The following UBE2G1 variants were observed in gnomAD, a reference collection of about 807,000 sequenced individuals.
The protein encoded by UBE2G1 is ubiquitin conjugating enzyme E2 G1.
In UBE2G1, 5 loss-of-function variants were observed where a neutral mutation model predicts 22.7. That is an observed-to-expected ratio of 0.22 (90% CI 0.12 to 0.46). The LOEUF (loss-of-function observed/expected upper bound fraction) is 0.46, where lower values mean the gene tolerates loss of function less well. Ranked by LOEUF, UBE2G1 falls within the 20% of genes least tolerant of loss-of-function variation. The pLI is 0.99. For missense variants in UBE2G1, 88 were observed against 203.9 expected, an observed-to-expected ratio of 0.43 and a Z score of 3.46; for synonymous variants, 74 against 67.5, an observed-to-expected ratio of 1.10 and a Z score of -0.47.
At chr17:4,353,921 G>C (rs1157589009) in intron 1 of UBE2G1, among the ~76,000 whole-genome samples, 3 of 149,750 alleles carry the variant, frequency 2.0e-5, no homozygotes, top group African/African-American at 7.4e-5. Context: ...GGGTTCAAGA[G>C]ATTCTCCTGC....
In UBE2G1 at chr17:4,269,493, G is replaced by A. The variant is rs780765417; in HGVS notation, c.*3061C>T. On this transcript the variant is annotated 3_prime_UTR_variant, in exon 6 of 6. Transcript: ENST00000396981. ...GAGACCAGACGGGCAAAGATACACA[G>A]GCACCACAGCCCAAAGCGGGCAGAT... is the stretch of plus-strand genomic sequence containing the variant. 5 of 185,484 alleles carry A rather than the reference G, an allele frequency of 2.7e-5. No homozygotes were observed. The highest frequency in any genetic ancestry group is 5.7e-5 in the Non-Finnish European group (5 of 88,320). The allele number at this position is 185,484 out of a possible 1,614,324, so 11.5% of individuals were successfully genotyped here.
chr17:4,301,415 A>G, intron 2 of UBE2G1: 1 of 648,880 alleles, frequency 1.5e-6, no homozygotes, highest in Non-Finnish European at 2.9e-6. Flanking sequence ...CCTGGCTATG[A>G]CTTTTGATGC....
At chr17:4,366,197 G>A (rs1970033043) in intron 1 of UBE2G1, 74 bp downstream of exon 1, 5 of 1,444,530 alleles carry the variant, frequency 3.5e-6, no homozygotes, top group South Asian at 1.3e-5. Flanking sequence ...GCTGGCCCGG[G>A]AGGAGAAGAG....
At chr17:4,276,924 C>T (rs1011530767) in intron 5 of UBE2G1, among the ~76,000 whole-genome samples, 3 of 152,186 alleles carry the variant, frequency 2.0e-5, no homozygotes, top group East Asian at 1.9e-4. Flanking sequence ...GTTGACCAAG[C>T]CTTTGTACCA....
rs1389638874 is a variant in UBE2G1 at position 4,270,542 on chromosome 17, A to G, written c.*2012T>C. Reference sequence around the variant, plus strand: ...TCCAGCCTGGGTGACAGAGAGACCCAGTTTCTTAAAAAAAAAAAAAAAAAA... The same window carrying G: ...TCCAGCCTGGGTGACAGAGAGACCCGGTTTCTTAAAAAAAAAAAAAAAAAA... On this transcript the variant is annotated 3_prime_UTR_variant, in exon 6 of 6. Transcript: ENST00000396981. The G allele has an allele frequency of 1.2e-4, 14 of 118,216 alleles. No homozygotes were observed. Among genetic ancestry groups the G allele is most frequent in the African/African-American group, 4.0e-4 (13 of 32,574 alleles). 7.3% of individuals were successfully genotyped at this position (118,216 alleles called of 1,614,324 possible).
intron 1 of UBE2G1, chr17:4,364,311 GAC>G (rs1349747514): frequency 1.1e-5 from 1 of 89,476 alleles, no homozygotes; most frequent in Non-Finnish European, 2.2e-5. Flanking sequence ...TTTTTTTTGA[GAC>G]ACAGTCTCGC....
rs563313423 is a variant in UBE2G1, at chr17:4,308,189, AT to A, written c.47-1067del. On this transcript the variant is annotated intron_variant, in intron 1 of 5. Coordinates refer to ENST00000396981, the MANE Select transcript of UBE2G1 (RefSeq NM_003342.5). ...ACCAACATGGAGAAACGCCGTCTCT[AT>A]TAAAAATACAAAATTAGCTGGGCGT... Among the ~76,000 whole-genome samples the A allele has an allele frequency of 2.9e-3, 438 of 152,286 alleles. 1 individual carries two copies. The highest frequency in any genetic ancestry group is 9.9e-3 in the African/African-American group (412 of 41,546).
At chr17:4,321,455 T>C (rs955727010) in intron 1 of UBE2G1, among the ~76,000 whole-genome samples, 3 of 152,148 alleles carry the variant, frequency 2.0e-5, no homozygotes, top group Non-Finnish European at 4.4e-5. Context: ...GTGATTCTCT[T>C]TTTTCTGATT....
chr17:4,313,210 G>A (rs1969331494), intron 1 of UBE2G1, among the ~76,000 whole-genome samples: 1 of 152,116 alleles, frequency 6.6e-6, no homozygotes, highest in Non-Finnish European at 1.5e-5. Flanking sequence ...AGTGGAGGTG[G>A]TCCTCCTATG....
chr17:4,338,216 G>T (rs1246648308), intron 1 of UBE2G1, among the ~76,000 whole-genome samples: 1 of 150,300 alleles, frequency 6.7e-6, no homozygotes, highest in Non-Finnish European at 1.5e-5. Flanking sequence ...TTTGATGGGA[G>T]GGGAAAAAAA....
At chr17:4,280,055 A>G (rs1294019452) in intron 5 of UBE2G1, among the ~76,000 whole-genome samples, 2 of 140,286 alleles carry the variant, frequency 1.4e-5, no homozygotes, top group Non-Finnish European at 3.1e-5. Context: ...TTTTTTTTTG[A>G]GATGAAGTCT....
At chr17:4,314,050 C>T (rs117695160) in intron 1 of UBE2G1, among the ~76,000 whole-genome samples, 1,854 of 152,222 alleles carry the variant, frequency 0.012, 13 homozygotes, top group Non-Finnish European at 0.018. Context: ...ATTTCTGAAT[C>T]GGAATTAGAT....
At chr17:4,290,641 T>G (rs971944675) in intron 3 of UBE2G1, among the ~76,000 whole-genome samples, 2 of 111,090 alleles carry the variant, frequency 1.8e-5, no homozygotes, top group African/African-American at 5.4e-5. Context: ...CTGGCTAACC[T>G]GACTTTTTTT....
intron 3 of UBE2G1, among the ~76,000 whole-genome samples, 170 bp downstream of exon 3, chr17:4,296,547 C>T (rs1023280780): frequency 4.6e-5 from 7 of 152,186 alleles, no homozygotes; most frequent in Non-Finnish European, 1.0e-4. Flanking sequence ...AGCCACTGCA[C>T]CTGGCCTCTC....
At chr17:4,353,160 G>C (rs1969864851) in intron 1 of UBE2G1, among the ~76,000 whole-genome samples, 1 of 152,034 alleles carries the variant, frequency 6.6e-6, no homozygotes, top group African/African-American at 2.4e-5. Flanking sequence ...GGAGGCTGCG[G>C]TGAGCCGAGA....
At chr17:4,336,557 G>T (rs191568934) in intron 1 of UBE2G1, among the ~76,000 whole-genome samples, 2 of 151,850 alleles carry the variant, frequency 1.3e-5, no homozygotes, top group South Asian at 4.2e-4. Context: ...TTGAGACAGG[G>T]TCTTGCTCTG....
At chr17:4,341,725 G>A (rs1369554398) in intron 1 of UBE2G1, among the ~76,000 whole-genome samples, 3 of 152,060 alleles carry the variant, frequency 2.0e-5, no homozygotes, top group African/African-American at 7.2e-5. Flanking sequence ...CATTCTCTCA[G>A]GCTCATACCA....
intron 1 of UBE2G1, among the ~76,000 whole-genome samples, chr17:4,336,477 T>A (rs1969647908): frequency 6.6e-6 from 1 of 152,166 alleles, no homozygotes; most frequent in Non-Finnish European, 1.5e-5. Context: ...TTACAATCTA[T>A]AAAGATATGT....
Position 4,271,900 on chromosome 17 carries a change from G to A in UBE2G1, c.*654C>T, listed in dbSNP as rs776316547. On this transcript the variant is annotated 3_prime_UTR_variant, in exon 6 of 6. Transcript: ENST00000396981. ...AGCACCTAGTGATGACTCCTTCGAA[G>A]TCATCATTAAAAATCAAGTAATTGC... 4.6e-5 allele frequency: 7 copies of A among 152,592 alleles called. No individual in the cohort carries two copies. Among genetic ancestry groups the A allele is most frequent in the Non-Finnish European group, 1.0e-4 (7 of 68,040 alleles). The allele number at this position is 152,592 out of a possible 1,614,324, so 9.5% of individuals were successfully genotyped here.
Sources: gnomAD v4.1 joint callset for allele counts (sites outside exome capture counted in the v4.1 genomes callset) on GRCh38, gnomAD v4.1.1 for gene constraint, MANE v1.5 for transcripts, NCBI Gene and HGNC (gene_info 2026-07-23, HGNC 2026-07-21) for gene names.